The following PCDHA4 variants were observed in gnomAD, a reference collection of about 807,000 sequenced individuals.
PCDHA4 encodes the protein protocadherin alpha 4.
PCDHA4 carries 49 observed loss-of-function variants against 61.4 expected under a neutral mutation model. The observed-to-expected ratio is 0.80, with a 90% CI of 0.63 to 1.01. PCDHA4 has a LOEUF of 1.01. Among genes scored for constraint, PCDHA4 ranks in the 50% least tolerant of loss-of-function variants. The pLI is 0.00. For synonymous variants in PCDHA4, 590 were observed against 550.3 expected (o/e 1.07, Z -1.01); for missense variants, 1,254 against 1,235.8 (o/e 1.01, Z -0.22).
At chr5:140,826,663 A>C (rs1554130616) in intron 1 of PCDHA4, among the ~76,000 whole-genome samples, 1 of 152,182 alleles carries the variant, frequency 6.6e-6, no homozygotes, top group Non-Finnish European at 1.5e-5. Flanking sequence ...TTGCAAGTAA[A>C]TTGTAGACGT....
chr5:140,968,221 T>C, intron 1 of PCDHA4: 1 of 1,613,918 alleles, frequency 6.2e-7, no homozygotes, highest in Admixed American at 1.7e-5. Context: ...ATTTGCCAGG[T>C]GTGTTGCTCT....
intron 1 of PCDHA4, chr5:140,842,530 T>C: frequency 6.2e-7 from 1 of 1,613,064 alleles, no homozygotes; most frequent in South Asian, 1.1e-5. Flanking sequence ...CCTTCAAGAA[T>C]TACTACTCGT....
At chr5:140,834,086 C>A (rs1400952660) in intron 1 of PCDHA4, among the ~76,000 whole-genome samples, 2 of 152,152 alleles carry the variant, frequency 1.3e-5, no homozygotes, top group Non-Finnish European at 2.9e-5. Context: ...TAACCTTTAA[C>A]AACAATGAAG....
At chr5:140,860,513 C>A (rs1176536406) in intron 1 of PCDHA4, 3 of 152,110 alleles carry the variant, frequency 2.0e-5, no homozygotes, top group African/African-American at 7.2e-5. Context: ...AGATAAAACT[C>A]TTCATGGAAT....
intron 1 of PCDHA4, chr5:140,871,406 T>C (rs1406444669): frequency 1.2e-6 from 2 of 1,614,032 alleles, no homozygotes; most frequent in Non-Finnish European, 1.7e-6. Flanking sequence ...AAGACGGACC[T>C]CATGGCCTTC....
At chr5:140,823,490 C>T (rs2150126315) in intron 1 of PCDHA4, 6 of 1,613,236 alleles carry the variant, frequency 3.7e-6, no homozygotes, top group Admixed American at 1.7e-5. Context: ...GTGGGTGGCA[C>T]CGGCGGCGCA....
intron 1 of PCDHA4, chr5:140,823,675 C>G (rs2150128153): frequency 3.1e-6 from 5 of 1,614,056 alleles, no homozygotes; most frequent in Non-Finnish European, 4.2e-6. Flanking sequence ...CAGCACAACA[C>G]GCTCTCTGGA....
At chr5:140,973,858 C>G (rs1277402007) in intron 1 of PCDHA4, among the ~76,000 whole-genome samples, 1 of 152,156 alleles carries the variant, frequency 6.6e-6, no homozygotes, top group Non-Finnish European at 1.5e-5. Flanking sequence ...AATTTTTGCT[C>G]TCAATGAGAG....
chr5:141,000,080 G>T (rs1554257118), intron 3 of PCDHA4, among the ~76,000 whole-genome samples: 1 of 152,068 alleles, frequency 6.6e-6, no homozygotes, highest in Non-Finnish European at 1.5e-5. Context: ...ACAATGCTAG[G>T]CCTGTGAATG....
chr5:140,871,026 G>C (rs1562655563), intron 1 of PCDHA4: 2 of 1,613,220 alleles, frequency 1.2e-6, no homozygotes, highest in Non-Finnish European at 8.5e-7. Flanking sequence ...AGGCAGACTC[G>C]CCGCGCCACC....
At chr5:140,995,924 G>T (rs998405229) in intron 3 of PCDHA4, among the ~76,000 whole-genome samples, 2 of 152,308 alleles carry the variant, frequency 1.3e-5, no homozygotes, top group African/African-American at 4.8e-5. Flanking sequence ...ATAGGCTGTT[G>T]TAAGTATTAA....
At position 140,941,221 on chromosome 5, in the gene PCDHA4, T is replaced by TTC. The variant is rs1217645089; in HGVS notation, c.2386-37726_2386-37725dup. Among the ~76,000 whole-genome samples the TTC allele has an allele frequency of 5.2e-4, 68 of 131,640 alleles. 1 individual carries two copies. Among genetic ancestry groups the TTC allele is most frequent in the African/African-American group, 2.0e-3 (67 of 33,088 alleles). 86.4% of individuals were successfully genotyped at this position (131,640 alleles called of 152,430 possible). A position where few individuals can be genotyped will look rare whatever the true frequency, so the allele number is the denominator to read the frequency against. Reference sequence around the variant, plus strand: ...TTTCTTCCTTTCTTTCTTCCTTTCTTTCTTTCTTTCTTTCTTTCTTTCTTT... The same window carrying TTC: ...TTTCTTCCTTTCTTTCTTCCTTTCTTTCTCTTTCTTTCTTTCTTTCTTTCTTT... On this transcript the variant is annotated intron_variant, in intron 1 of 3. Transcript: ENST00000530339.
chr5:140,961,366 C>A (rs1384222732), intron 1 of PCDHA4, among the ~76,000 whole-genome samples: 2 of 152,144 alleles, frequency 1.3e-5, no homozygotes, highest in Non-Finnish European at 2.9e-5. Context: ...CATTAGAATT[C>A]TCCTTCTAGT....
chr5:140,843,552 C>G (rs2150362585), intron 1 of PCDHA4: 1 of 1,595,800 alleles, frequency 6.3e-7, no homozygotes, highest in Non-Finnish European at 8.6e-7. Context: ...TGCTCCAGTG[C>G]GGTGGGGAGC....
chr5:140,848,428 C>T, intron 1 of PCDHA4: 1 of 1,450,060 alleles, frequency 6.9e-7, no homozygotes, highest in Non-Finnish European at 9.4e-7. Flanking sequence ...ATGGGACTGA[C>T]GAAATCAGAT....
intron 3 of PCDHA4, among the ~76,000 whole-genome samples, chr5:141,000,343 C>G (rs1410684542): frequency 1.7e-5 from 2 of 116,202 alleles, no homozygotes; most frequent in Admixed American, 9.0e-5. Context: ...GGCCCTATCT[C>G]TCTCTCTGTC....
At chr5:140,833,018 C>T (rs1360278866) in intron 1 of PCDHA4, among the ~76,000 whole-genome samples, 1 of 152,022 alleles carries the variant, frequency 6.6e-6, no homozygotes, top group East Asian at 1.9e-4. Context: ...ACATGGTTCC[C>T]ATAAGAGAGA....
At chr5:140,824,132 G>A in intron 1 of PCDHA4, 1 of 1,613,590 alleles carries the variant, frequency 6.2e-7, no homozygotes, top group Non-Finnish European at 8.5e-7. Context: ...GACAACGTGA[G>A]TTTTCTAATA....
intron 1 of PCDHA4, chr5:140,875,985 G>C (rs1351463699): frequency 1.8e-5 from 29 of 1,613,832 alleles, no homozygotes; most frequent in Non-Finnish European, 2.3e-5. Context: ...TGACCTATGC[G>C]TTAAGTCTAA....
Sources: allele counts gnomAD v4.1 joint callset (sites outside exome capture counted in the v4.1 genomes callset), GRCh38; gene constraint gnomAD v4.1.1; transcripts MANE v1.5; gene names NCBI Gene and HGNC (gene_info 2026-07-23, HGNC 2026-07-21).